KAT2B: variants seen among roughly 807,000 people sequenced by gnomAD.
KAT2B encodes histone acetyltransferase KAT2B.
A neutral mutation model predicts 105.9 loss-of-function variants in KAT2B; 36 were observed. That is an observed-to-expected ratio of 0.34 (90% CI 0.26 to 0.45). The LOEUF is 0.45. KAT2B is among the 20% of genes least tolerant of loss of function. KAT2B has a pLI of 1.00. For synonymous variants in KAT2B, 397 were observed against 377.9 expected (o/e 1.05, Z -0.59); for missense variants, 820 against 1,021.6 (o/e 0.80, Z 2.69).
chr3:20,106,918 G>A (rs866753157), intron 5 of KAT2B, among the ~76,000 whole-genome samples: 2 of 117,824 alleles, frequency 1.7e-5, no homozygotes, highest in African/African-American at 3.2e-5. Flanking sequence ...TAGTAGCTAC[G>A]TATAAAATGA....
chr3:20,127,730 G>C (rs950165834), intron 11 of KAT2B, among the ~76,000 whole-genome samples, 181 bp downstream of exon 11: 1 of 152,212 alleles, frequency 6.6e-6, no homozygotes, highest in Non-Finnish European at 1.5e-5. Flanking sequence ...CCAGGGACTG[G>C]TTTCACGGAA....
In KAT2B at chr3:20,112,049, G is replaced by T. The variant is rs151226942; in HGVS notation, c.1043+262G>T. On this transcript the variant is annotated intron_variant, in intron 6 of 17. Transcript: ENST00000263754. ...TGAGTCATTGTCTCTGACTCACATA[G>T]AATGGGGCAGTGCTTTCTTTTGTAT... Among the ~76,000 whole-genome samples the T allele has an allele frequency of 7.3e-3, 1,110 of 152,206 alleles. 19 individuals are homozygous for T. Among genetic ancestry groups the T allele is most frequent in the Non-Finnish European group, 7.0e-3 (474 of 68,010 alleles).
rs147607816 is a variant in KAT2B, at chr3:20,055,586, C to T, written c.303+14806C>T. 6.7e-4 allele frequency among the ~76,000 whole-genome samples: 102 copies of T among 151,312 alleles called. 2 individuals carry two copies. The Middle Eastern group carries it at 0.01, about 15-fold the overall frequency. On this transcript the variant is annotated intron_variant, in intron 1 of 17. Coordinates refer to ENST00000263754, the MANE Select transcript of KAT2B (RefSeq NM_003884.5). ...GACTCTGGGGCCAGAAGTGGCTTGT[C>T]GTGTGTGAGGCCTGTCAGGAGACCT...
At chr3:20,089,959 A>G (rs1223141964) in intron 2 of KAT2B, among the ~76,000 whole-genome samples, 2 of 151,982 alleles carry the variant, frequency 1.3e-5, no homozygotes, top group African/African-American at 4.8e-5. Flanking sequence ...CTTGGACAAC[A>G]TAGTGAGAAG....
rs573838199 is a variant in KAT2B, at chr3:20,127,645, G to A, written c.1749+96G>A. 31 of 1,229,778 alleles carry A rather than the reference G, an allele frequency of 2.5e-5. 1 individual carries two copies. In the South Asian group the frequency reaches 4.3e-4, roughly 17 times the overall value. 76.2% of individuals were successfully genotyped at this position (1,229,778 alleles called of 1,614,324 possible). A position where few individuals can be genotyped will look rare whatever the true frequency, so the allele number is the denominator to read the frequency against. On this transcript the variant is annotated intron_variant, in intron 11 of 17. Coordinates refer to ENST00000263754, the MANE Select transcript of KAT2B (RefSeq NM_003884.5). ...GGAAGATCTCTCTGTGCCATGTCCAGAGAAGGTTCAAAGTGGAGTTAAGGA... is the reference window on the plus strand; with the variant it reads ...GGAAGATCTCTCTGTGCCATGTCCAAAGAAGGTTCAAAGTGGAGTTAAGGA...
At chr3:20,102,685 A>G (rs924750749) in intron 5 of KAT2B, among the ~76,000 whole-genome samples, 1 of 152,362 alleles carries the variant, frequency 6.6e-6, no homozygotes, top group East Asian at 1.9e-4. Flanking sequence ...TGTACCATAC[A>G]AAATATAAGG....
chr3:20,105,173 A>G (rs1698978511), intron 5 of KAT2B, among the ~76,000 whole-genome samples: 1 of 152,194 alleles, frequency 6.6e-6, no homozygotes, highest in South Asian at 2.1e-4. Flanking sequence ...GGCGTGAGCC[A>G]CCTTGCTCAA....
At position 20,111,748 on chromosome 3, in the gene KAT2B, C is replaced by A; in HGVS notation, c.1004C>A (p.Pro335His). ...GCAAGACAGGAAAAAGATAAACTGC[C>A]TCTTGAAAAACGAACTCTAATCCTC... ...EQARQEKDKL[P>H]LEKRTLILTH... is the part of the protein sequence containing the mutation. Residue 335 changes from proline (P) to histidine (H), a missense_variant, in exon 6 of 18, where the codon CCT becomes CAT. Pro to His is a moderately conservative substitution (Grantham distance 77). Transcript: ENST00000263754. 6.2e-7 allele frequency: 1 copy of A among 1,613,892 alleles called. No individual in the cohort carries two copies.
At position 20,106,971 on chromosome 3, in the gene KAT2B, ATATATATG is replaced by A. The variant is rs1385344296; in HGVS notation, c.852-4617_852-4610del. Among the ~76,000 whole-genome samples, 128 of 12,502 alleles carry A rather than the reference ATATATATG, an allele frequency of 0.01. 1 individual carries two copies. In the East Asian group the frequency reaches 0.1, roughly 10 times the overall value. The allele number at this position is 12,502 out of a possible 152,430, so 8.2% of individuals were successfully genotyped here. ...TTCTGAATTTTATGTGTATATATAT[ATATATATG>A]TATATATATATATATATATATATAT... On this transcript the variant is annotated intron_variant, in intron 5 of 17. Coordinates refer to ENST00000263754, the MANE Select transcript of KAT2B (RefSeq NM_003884.5).
intron 2 of KAT2B, among the ~76,000 whole-genome samples, chr3:20,082,925 A>G (rs2125188390): frequency 6.6e-6 from 1 of 152,348 alleles, no homozygotes. Context: ...CAGGAGATCA[A>G]ATACAAACAG....
chr3:20,108,462 G>T (rs915852610), intron 5 of KAT2B, among the ~76,000 whole-genome samples: 1 of 152,192 alleles, frequency 6.6e-6, no homozygotes, highest in Non-Finnish European at 1.5e-5. Flanking sequence ...TTTAGGATCT[G>T]CATAACAACA....
At chr3:20,141,112 C>T (rs975459885) in intron 13 of KAT2B, among the ~76,000 whole-genome samples, 1 of 152,196 alleles carries the variant, frequency 6.6e-6, no homozygotes, top group Non-Finnish European at 1.5e-5. Context: ...GTTCCAGTTC[C>T]TCTTCTGAAC....
At chr3:20,043,892 GA>G (rs1309706964) in intron 1 of KAT2B, among the ~76,000 whole-genome samples, 1 of 152,010 alleles carries the variant, frequency 6.6e-6, no homozygotes, top group Non-Finnish European at 1.5e-5. Flanking sequence ...AGATTAGAGA[GA>G]TTAGAGAATG....
In KAT2B at chr3:20,154,012, G is replaced by T. The variant is rs1240434600; in HGVS notation, c.*1487G>T. ...TGAAAATGCCTCAACTTTTTAAAGT[G>T]TAAGAAACCACCATGAGTGGTGTCT... is the stretch of plus-strand genomic sequence containing the variant. On this transcript the variant is annotated 3_prime_UTR_variant, in exon 18 of 18. Coordinates refer to ENST00000263754, the MANE Select transcript of KAT2B (RefSeq NM_003884.5). The T allele has an allele frequency of 2.0e-5, 3 of 152,602 alleles. No homozygotes were observed. The highest frequency in any genetic ancestry group is 4.4e-5 in the Non-Finnish European group (3 of 68,018). 9.5% of individuals were successfully genotyped at this position (152,602 alleles called of 1,614,324 possible).
rs1286773094 is a variant in KAT2B at position 20,107,887 on chromosome 3, C to T, written c.852-3709C>T. The stretch of plus-strand genomic sequence containing the variant: ...GCAGTGGTATGATCTGAGCTCACTG[C>T]AACCTTCGCCTCCCAGGTTCAAACG... On this transcript the variant is annotated intron_variant, in intron 5 of 17. Transcript: ENST00000263754. Among the ~76,000 whole-genome samples the T allele has an allele frequency of 1.4e-5, 2 of 143,680 alleles. 1 individual carries two copies. Among genetic ancestry groups the T allele is most frequent in the Admixed American group, 1.4e-4 (2 of 13,892 alleles). 94.3% of individuals were successfully genotyped at this position (143,680 alleles called of 152,430 possible).
At chr3:20,090,321 T>C (rs1459019242) in intron 2 of KAT2B, among the ~76,000 whole-genome samples, 3 of 152,236 alleles carry the variant, frequency 2.0e-5, no homozygotes, top group Non-Finnish European at 4.4e-5. Context: ...TTGAGTGTGA[T>C]GTTAATTGTG....
rs1699912090 is a variant in KAT2B, at chr3:20,154,164, T to C, written c.*1639T>C. The C allele has an allele frequency of 6.5e-6, 1 of 152,672 alleles. No individual in the cohort carries two copies. The highest frequency in any genetic ancestry group is 1.5e-5 in the Non-Finnish European group (1 of 68,034). 9.5% of individuals were successfully genotyped at this position (152,672 alleles called of 1,614,324 possible). A position where few individuals can be genotyped will look rare whatever the true frequency, so the allele number is the denominator to read the frequency against. ...TATCCTGTGAAAGTTTGTTATTTTC[T>C]GAGTAGACATTCTTATAGAGTATTG... is the stretch of plus-strand genomic sequence containing the variant. On this transcript the variant is annotated 3_prime_UTR_variant, in exon 18 of 18. Coordinates refer to ENST00000263754, the MANE Select transcript of KAT2B (RefSeq NM_003884.5).
At position 20,147,986 on chromosome 3, in the gene KAT2B, G is replaced by A. The variant is rs934090618; in HGVS notation, c.2143G>A (p.Gly715Arg). Reference protein sequence around the residue: ...GIRETGWKPSGKEKSKEPRDP... With the variant: ...GIRETGWKPSRKEKSKEPRDP... ...AGGAGAGACAGGCTGGAAACCGAGT[G>A]GAAAAGAGAAAAGGTAAGTATGACG... Residue 715 changes from glycine to arginine, a missense_variant, in exon 15 of 18, where the codon GGA becomes AGA. Physicochemically the swap from Gly to Arg is moderately radical, Grantham distance 125 (BLOSUM62 -2). Transcript: ENST00000263754. 6.2e-7 allele frequency: 1 copy of A among 1,613,398 alleles called. No homozygotes were observed. Among genetic ancestry groups the A allele is most frequent in the African/African-American group, 1.3e-5 (1 of 74,956 alleles).
At chr3:20,097,842 T>A (rs1044496931) in intron 3 of KAT2B, among the ~76,000 whole-genome samples, 2 of 151,760 alleles carry the variant, frequency 1.3e-5, no homozygotes, top group African/African-American at 2.4e-5. Context: ...GGCCCATGAT[T>A]TTTTAAAAAG....
Sources: allele counts gnomAD v4.1 joint callset (sites outside exome capture counted in the v4.1 genomes callset), GRCh38; gene constraint gnomAD v4.1.1; transcripts MANE v1.5; gene names NCBI Gene and HGNC (gene_info 2026-07-23, HGNC 2026-07-21).